SUMF1: variants seen among roughly 807,000 people sequenced by gnomAD.
The protein encoded by SUMF1 is sulfatase modifying factor 1.
Under a neutral mutation model 47.6 loss-of-function variants are expected in SUMF1, and 48 were observed. That is an observed-to-expected ratio of 1.01 (90% CI 0.80 to 1.28). The LOEUF (loss-of-function observed/expected upper bound fraction) is 1.28, where lower values mean the gene tolerates loss of function less well. Among genes scored for constraint, SUMF1 ranks in the 50% most tolerant of loss-of-function variants. The pLI, the probability that SUMF1 is intolerant of heterozygous loss-of-function variation, is 0.00. For missense variants in SUMF1, 571 were observed against 485.4 expected (o/e 1.18, Z -1.66); for synonymous variants, 230 against 192.1 (o/e 1.20, Z -1.63).
At chr3:4,409,104 C>G (rs1701462357) in intron 7 of SUMF1, among the ~76,000 whole-genome samples, 1 of 152,132 alleles carries the variant, frequency 6.6e-6, no homozygotes, top group East Asian at 1.9e-4. Context: ...ATAGATCAGT[C>G]TAGTCACAAT....
intron 8 of SUMF1, among the ~76,000 whole-genome samples, chr3:4,207,411 C>G (rs938540202): frequency 2.6e-5 from 4 of 152,112 alleles, no homozygotes; most frequent in African/African-American, 9.7e-5. Flanking sequence ...CCTTTCAAAT[C>G]TTAGGGTGAG....
At chr3:4,313,928 A>G (rs1698531419) in intron 8 of SUMF1, 1 of 1,233,670 alleles carries the variant, frequency 8.1e-7, no homozygotes, top group Admixed American at 2.8e-5. Flanking sequence ...TCTCCATTTA[A>G]CAAAAGTACA....
chr3:4,204,721 C>T (rs2125155598), intron 8 of SUMF1, among the ~76,000 whole-genome samples: 1 of 152,148 alleles, frequency 6.6e-6, no homozygotes, highest in African/African-American at 2.4e-5. Context: ...AGCCTGTCTT[C>T]AAGCTCATTA....
intron 8 of SUMF1, among the ~76,000 whole-genome samples, chr3:4,280,748 C>T (rs1410834901): frequency 2.0e-5 from 3 of 152,012 alleles, no homozygotes; most frequent in Non-Finnish European, 2.9e-5. Context: ...TTCCAGGCCT[C>T]CCTCCTAGTG....
chr3:4,449,900 C>A (rs1349735048), intron 2 of SUMF1, among the ~76,000 whole-genome samples: 1 of 152,136 alleles, frequency 6.6e-6, no homozygotes, highest in Non-Finnish European at 1.5e-5. Context: ...TTGCATGTAA[C>A]CCTATTCTGA....
intron 8 of SUMF1, 101 bp from the exon 9 acceptor site, chr3:4,362,355 C>T (rs750819721): frequency 7.6e-6 from 7 of 924,624 alleles, no homozygotes; most frequent in Non-Finnish European, 1.2e-5. Flanking sequence ...AGTGCTTCCC[C>T]ACAACCCTGC....
intron 9 of SUMF1, among the ~76,000 whole-genome samples, chr3:4,049,610 C>T (rs112533465): frequency 6.6e-6 from 1 of 152,218 alleles, no homozygotes; most frequent in South Asian, 2.1e-4. Context: ...AGTAAGCACC[C>T]CTGGGCTCCA....
At chr3:4,458,607 G>A (rs889351947) in intron 1 of SUMF1, among the ~76,000 whole-genome samples, 1 of 152,160 alleles carries the variant, frequency 6.6e-6, no homozygotes, top group Admixed American at 6.5e-5. Flanking sequence ...TGTAATCCCA[G>A]CACTTTGGGA....
intron 8 of SUMF1, among the ~76,000 whole-genome samples, chr3:4,250,659 G>A (rs1425854025): frequency 2.0e-5 from 3 of 152,210 alleles, no homozygotes; most frequent in Non-Finnish European, 4.4e-5. Flanking sequence ...AACACAACCG[G>A]TGACTTAAAG....
chr3:4,332,415 G>A (rs1575105261), intron 8 of SUMF1, among the ~76,000 whole-genome samples: 1 of 152,174 alleles, frequency 6.6e-6, no homozygotes, highest in South Asian at 2.1e-4. Flanking sequence ...ACAGAGCTAA[G>A]GCATTAGGCC....
chr3:4,211,671 C>T (rs1248637791), intron 8 of SUMF1, among the ~76,000 whole-genome samples: 3 of 152,120 alleles, frequency 2.0e-5, no homozygotes, highest in Non-Finnish European at 4.4e-5. Flanking sequence ...AGACTATAAA[C>T]TACAAGGTAT....
At chr3:4,218,033 G>A (rs934642294) in intron 8 of SUMF1, among the ~76,000 whole-genome samples, 2 of 151,862 alleles carry the variant, frequency 1.3e-5, no homozygotes, top group African/African-American at 4.8e-5. Context: ...GTCACTTCTC[G>A]AAAGCGAAGG....
At chr3:4,128,948 T>C (rs1431343150) in intron 8 of SUMF1, among the ~76,000 whole-genome samples, 1 of 152,140 alleles carries the variant, frequency 6.6e-6, no homozygotes, top group Non-Finnish European at 1.5e-5. Flanking sequence ...GATGACCTAC[T>C]GTGAGTGAAT....
At chr3:4,335,631 CA>C (rs1009354483) in intron 8 of SUMF1, among the ~76,000 whole-genome samples, 7 of 152,128 alleles carry the variant, frequency 4.6e-5, no homozygotes, top group South Asian at 2.1e-4. Context: ...CAAATCATCC[CA>C]ATAGTCATAG....
At chr3:4,108,221 T>C (rs967480756) in intron 8 of SUMF1, among the ~76,000 whole-genome samples, 3 of 152,152 alleles carry the variant, frequency 2.0e-5, no homozygotes, top group East Asian at 3.8e-4. Flanking sequence ...TCAGTTTCCA[T>C]GTAGTTGAGC....
intron 8 of SUMF1, among the ~76,000 whole-genome samples, chr3:4,236,578 A>AC (rs35856270): frequency 7.9e-5 from 12 of 151,836 alleles, no homozygotes; most frequent in Admixed American, 3.3e-4. Flanking sequence ...ACATAGTGAG[A>AC]CCCCCCATCT....
chr3:4,132,155 G>C (rs588845), intron 8 of SUMF1, among the ~76,000 whole-genome samples: 42,979 of 152,044 alleles, frequency 0.28, 6,427 homozygotes, highest in East Asian at 0.4. Flanking sequence ...ATAGATATGA[G>C]TTTTCCTATC....
intron 8 of SUMF1, chr3:4,313,302 A>T: frequency 6.2e-7 from 1 of 1,614,026 alleles, no homozygotes; most frequent in Non-Finnish European, 8.5e-7. Context: ...TACAAACAAA[A>T]TCCGACTCCA....
rs757323641 is a variant in SUMF1 at position 4,420,130 on chromosome 3, C to T, written c.536G>A (p.Trp179Ter). The change falls in exon 4 of 9, where the codon TGG becomes TAG. Residue 179 changes from tryptophan to a stop codon, truncating the protein, a stop_gained. Coordinates refer to ENST00000272902, the MANE Select transcript of SUMF1 (RefSeq NM_182760.4). LOFTEE classifies it high-confidence loss of function. ...GTTAGCGCCTTTCACAGGTAACCAC[C>T]AGGGAGCAGCTGCAACCTCAAAGCA... Reference protein sequence around the residue: ...NIQQAVAAAPWWLPVKGANWR... With the variant: ...NIQQAVAAAP 6.2e-7 allele frequency: 1 copy of T among 1,613,934 alleles called. No individual in the cohort carries two copies. Among genetic ancestry groups the T allele is most frequent in the African/African-American group, 1.3e-5 (1 of 74,896 alleles).
Sources: gnomAD v4.1 joint callset for allele counts (sites outside exome capture counted in the v4.1 genomes callset) on GRCh38, gnomAD v4.1.1 for gene constraint, MANE v1.5 for transcripts, NCBI Gene and HGNC (gene_info 2026-07-23, HGNC 2026-07-21) for gene names.